Variants in PEAR1 observed in about 807,000 individuals in gnomAD.
PEAR1 encodes the protein multiple EGF-like domains protein 12.
A neutral mutation model predicts 131.2 loss-of-function variants in PEAR1; 113 were observed. The ratio of observed to expected loss-of-function variants is 0.86; its 90% CI spans 0.74 to 1.01. The LOEUF (loss-of-function observed/expected upper bound fraction) is 1.01, where lower values mean the gene tolerates loss of function less well. PEAR1 is among the 50% of genes least tolerant of loss of function. The pLI, the probability that PEAR1 is intolerant of heterozygous loss-of-function variation, is 0.00. For synonymous variants in PEAR1, 565 were observed against 523.3 expected, an observed-to-expected ratio of 1.08 and a Z score of -1.09; for missense variants, 1,408 against 1,391.1, an observed-to-expected ratio of 1.01 and a Z score of -0.19.
rs927494595 is a variant in PEAR1, at chr1:156,915,581, C to T, written c.*783C>T. 2.0e-5 allele frequency: 3 copies of T among 152,366 alleles called. No individual in the cohort carries two copies. Among genetic ancestry groups the T allele is most frequent in the Non-Finnish European group, 2.9e-5 (2 of 68,140 alleles). The allele number at this position is 152,366 out of a possible 1,614,324, so 9.4% of individuals were successfully genotyped here. A position where few individuals can be genotyped will look rare whatever the true frequency, so the allele number is the denominator to read the frequency against. On this transcript the variant is annotated 3_prime_UTR_variant, in exon 23 of 23. Transcript: ENST00000292357. ...CCTGTTCACCCCTGCTTTTCCTTTA[C>T]ACCTCCTCCTCAGGGAAGTGCCCAC...
At chr1:156,895,439 C>T (rs1649074003) in intron 1 of PEAR1, among the ~76,000 whole-genome samples, 1 of 152,230 alleles carries the variant, frequency 6.6e-6, no homozygotes, top group Non-Finnish European at 1.5e-5. Flanking sequence ...AGAGGCCTCC[C>T]AGGACTCATG....
Position 156,912,858 on chromosome 1 carries a change from C to G in PEAR1, c.2298C>G (p.Ser766=), listed in dbSNP as rs201970579. Reference sequence around the variant, plus strand: ...TGATTGGCATTGCAGTGCTGGGGTCCCTTGTGGTAGCCCTGGTGGCACTGT... The same window carrying G: ...TGATTGGCATTGCAGTGCTGGGGTCGCTTGTGGTAGCCCTGGTGGCACTGT... ...GAVIGIAVLG[S]LVVALVALFI... Residue 766 remains serine (S), a synonymous_variant, in exon 18 of 23, where the codon TCC becomes TCG. Coordinates refer to ENST00000292357, the MANE Select transcript of PEAR1 (RefSeq NM_001080471.3). The G allele has an allele frequency of 8.8e-5, 142 of 1,614,094 alleles. No individual in the cohort carries two copies. Among genetic ancestry groups the G allele is most frequent in the Non-Finnish European group, 1.1e-4 (131 of 1,180,034 alleles).
At chr1:156,911,062 TTTC>T (rs1237952091) in intron 15 of PEAR1, among the ~76,000 whole-genome samples, 14 of 113,194 alleles carry the variant, frequency 1.2e-4, no homozygotes, top group African/African-American at 7.6e-4. Context: ...TCTTTCTTTC[TTTC>T]TTTCTTTCTT....
Position 156,913,464 on chromosome 1 carries a change from C to CCA in PEAR1, c.2587_2588dup (p.Leu864ProfsTer57). ...GGGGCCCAAGGGCATGATAACCACA[C>CCA]CACCCTGCCTGCTGACTGGAAGCAC... On this transcript the variant is annotated frameshift_variant, in exon 20 of 23. Coordinates refer to ENST00000292357, the MANE Select transcript of PEAR1 (RefSeq NM_001080471.3). LOFTEE classifies it high-confidence loss of function. The CCA allele has an allele frequency of 6.2e-7, 1 of 1,613,662 alleles. No individual in the cohort carries two copies. The highest frequency in any genetic ancestry group is 8.5e-7 in the Non-Finnish European group (1 of 1,180,028).
rs751857059 is a variant in PEAR1, at chr1:156,906,719, G to T, written c.483G>T (p.Gly161=). 6.2e-7 allele frequency: 1 copy of T among 1,614,216 alleles called. No homozygotes were observed. The highest frequency in any genetic ancestry group is 8.5e-7 in the Non-Finnish European group (1 of 1,180,044). ...ACAGCTCGTGTGATCCCAAGAGTGG[G>T]GTATGTTCTTGCCCTTCTGGTCTGC... ...GNNSSCDPKS[G]VCSCPSGLQP... The change falls in exon 6 of 23, where the codon GGG becomes GGT. Residue 161 remains glycine, a synonymous_variant. Transcript: ENST00000292357.
chr1:156,894,750 G>T (rs1648996206), intron 1 of PEAR1, among the ~76,000 whole-genome samples: 1 of 152,136 alleles, frequency 6.6e-6, no homozygotes, highest in Admixed American at 6.5e-5. Flanking sequence ...GCCTCTCCTG[G>T]GGCTGGGCTG....
Position 156,913,246 on chromosome 1 carries a change from G to T in PEAR1, c.2475G>T (p.Leu825=). The T allele has an allele frequency of 1.2e-6, 2 of 1,613,366 alleles. No homozygotes were observed. The highest frequency in any genetic ancestry group is 1.3e-5 in the African/African-American group (1 of 75,044). ...HYYSNPSYHT[L]SQCSPNPPPP... is the part of the protein sequence containing the mutation. ...ACTCCAACCCCAGCTACCACACCCT[G>T]TCGCAGTGCTCCCCAAACCCCCCAC... The change falls in exon 19 of 23, where the codon CTG becomes CTT. Residue 825 remains leucine, a synonymous_variant. Coordinates refer to ENST00000292357, the MANE Select transcript of PEAR1 (RefSeq NM_001080471.3).
chr1:156,912,213 C>T, intron 15 of PEAR1, 34 bp from the exon 16 acceptor site: 4 of 1,581,842 alleles, frequency 2.5e-6, no homozygotes, highest in Non-Finnish European at 3.4e-6. Flanking sequence ...AAAGCTGTAC[C>T]TGCCCCACCA....
chr1:156,895,079 A>G (rs1472556454), intron 1 of PEAR1, among the ~76,000 whole-genome samples: 1 of 152,046 alleles, frequency 6.6e-6, no homozygotes, highest in Non-Finnish European at 1.5e-5. Context: ...CCCACCCACC[A>G]TGTTCCCCAC....
In PEAR1 at chr1:156,913,263, AC is replaced by A. The variant is rs760058297; in HGVS notation, c.2498del (p.Pro833HisfsTer87). ...SYHTLSQCSP[N>X]PPPPNKVPGP... ...CACACCCTGTCGCAGTGCTCCCCAA[AC>A]CCCCCACCCCCTAACAAGGTCAGTG... On this transcript the variant is annotated frameshift_variant, in exon 19 of 23. Coordinates refer to ENST00000292357, the MANE Select transcript of PEAR1 (RefSeq NM_001080471.3). LOFTEE classifies it high-confidence loss of function. The A allele has an allele frequency of 3.1e-6, 5 of 1,606,966 alleles. No individual in the cohort carries two copies. The highest frequency in any genetic ancestry group is 4.3e-6 in the Non-Finnish European group (5 of 1,176,384).
In PEAR1 at chr1:156,913,270, A is replaced by AC. The variant is rs764108672; in HGVS notation, c.2504dup (p.Asn836Ter). ...TGTCGCAGTGCTCCCCAAACCCCCC[A>AC]CCCCCTAACAAGGTCAGTGCCGGGG... On this transcript the variant is annotated frameshift_variant, in exon 19 of 23. Coordinates refer to ENST00000292357, the MANE Select transcript of PEAR1 (RefSeq NM_001080471.3). LOFTEE classifies it high-confidence loss of function. 1.2e-6 allele frequency: 2 copies of AC among 1,603,232 alleles called. No individual in the cohort carries two copies. Among genetic ancestry groups the AC allele is most frequent in the Non-Finnish European group, 1.7e-6 (2 of 1,174,356 alleles).
intron 15 of PEAR1, among the ~76,000 whole-genome samples, chr1:156,911,122 C>CT (rs1558144310): frequency 2.6e-4 from 28 of 107,198 alleles, no homozygotes; most frequent in African/African-American, 1.0e-3. Flanking sequence ...TTTCTTCTTT[C>CT]TTTCTTTCCT....
chr1:156,911,090 T>TTTC (rs1186532498), intron 15 of PEAR1, among the ~76,000 whole-genome samples: 1 of 116,960 alleles, frequency 8.5e-6, no homozygotes, highest in African/African-American at 4.0e-5. Context: ...TCTTTCTTTC[T>TTTC]TTCCTTTCTT....
In PEAR1 at chr1:156,907,968, C is replaced by T; in HGVS notation, c.819C>T (p.Ser273=). 2 of 1,581,824 alleles carry T rather than the reference C, an allele frequency of 1.3e-6. No individual in the cohort carries two copies. The highest frequency in any genetic ancestry group is 2.3e-5 in the East Asian group (1 of 42,986). The stretch of plus-strand genomic sequence containing the variant: ...AGGGCTTTCACGGACCCAACTGCTC[C>T]CAGGAATGTCGCTGCCACAACGGCG... ...CPEGFHGPNC[S]QECRCHNGGL... Residue 273 remains serine, a synonymous_variant, in exon 8 of 23, where the codon TCC becomes TCT. Coordinates refer to ENST00000292357, the MANE Select transcript of PEAR1 (RefSeq NM_001080471.3).
At chr1:156,895,974 C>T (rs1198814824) in intron 1 of PEAR1, among the ~76,000 whole-genome samples, 1 of 152,030 alleles carries the variant, frequency 6.6e-6, no homozygotes, top group East Asian at 1.9e-4. Context: ...CCCATCTACT[C>T]AAGAGGCTGA....
chr1:156,898,226 C>G (rs988862837), intron 1 of PEAR1, among the ~76,000 whole-genome samples: 3 of 152,166 alleles, frequency 2.0e-5, no homozygotes, highest in Admixed American at 1.3e-4. Context: ...GCAACACCCT[C>G]TGGGAGGGGT....
Position 156,914,874 on chromosome 1 carries a change from C to T in PEAR1, c.*76C>T. 1 of 1,522,860 alleles carries T rather than the reference C, an allele frequency of 6.6e-7. No individual in the cohort carries two copies. Among genetic ancestry groups the T allele is most frequent in the Non-Finnish European group, 8.9e-7 (1 of 1,121,148 alleles). The allele number at this position is 1,522,860 out of a possible 1,614,324, so 94.3% of individuals were successfully genotyped here. The stretch of plus-strand genomic sequence containing the variant: ...AGGCTGGGGACAGAGCCTAGTGTAC[C>T]CCTGCCAGGAGCAGGGAGTGGACCG... On this transcript the variant is annotated 3_prime_UTR_variant, in exon 23 of 23. Coordinates refer to ENST00000292357, the MANE Select transcript of PEAR1 (RefSeq NM_001080471.3).
chr1:156,915,952 A>G lies in PEAR1; in HGVS notation c.*1154A>G, dbSNP rs909016925. 4 of 152,180 alleles carry G rather than the reference A, an allele frequency of 2.6e-5. No homozygotes were observed. Among genetic ancestry groups the G allele is most frequent in the African/African-American group, 9.7e-5 (4 of 41,442 alleles). 9.4% of individuals were successfully genotyped at this position (152,180 alleles called of 1,614,324 possible). On this transcript the variant is annotated 3_prime_UTR_variant, in exon 23 of 23. Coordinates refer to ENST00000292357, the MANE Select transcript of PEAR1 (RefSeq NM_001080471.3). ...GACTGAATAAGTTGGAGACTTCCCT[A>G]AAGGGTGGCATTTCCCCAGGGTAAC... is the stretch of plus-strand genomic sequence containing the variant.
In PEAR1 at chr1:156,906,612, C is replaced by T. The variant is rs751554535; in HGVS notation, c.401-25C>T. ...GGGATGGACTAGACCCCTGGTGACC[C>T]CCTTCCCGCCTCCTTATCCCACAGA... On this transcript the variant is annotated intron_variant, in intron 5 of 22. Transcript: ENST00000292357. 3 of 1,613,540 alleles carry T rather than the reference C, an allele frequency of 1.9e-6. No individual in the cohort carries two copies. The South Asian group carries it at 3.3e-5, about 18-fold the overall frequency.
Sources: gnomAD v4.1 joint callset for allele counts (sites outside exome capture counted in the v4.1 genomes callset) on GRCh38, gnomAD v4.1.1 for gene constraint, MANE v1.5 for transcripts, NCBI Gene and HGNC (gene_info 2026-07-23, HGNC 2026-07-21) for gene names.